Variants in ADGRB3 observed in about 807,000 individuals in gnomAD.
The protein encoded by ADGRB3 is adhesion G protein-coupled receptor B3.
ADGRB3 carries 37 observed loss-of-function variants against 193.4 expected under a neutral mutation model. That is an observed-to-expected ratio of 0.19 (90% CI 0.15 to 0.25). The LOEUF (loss-of-function observed/expected upper bound fraction) is 0.25, where lower values mean the gene tolerates loss of function less well. ADGRB3 is among the 10% of genes least tolerant of loss of function. The pLI, the probability that ADGRB3 is intolerant of heterozygous loss-of-function variation, is 1.00. For missense variants in ADGRB3, 1,637 were observed against 1,852.9 expected (o/e 0.88, Z 2.14); for synonymous variants, 690 against 644.2 (o/e 1.07, Z -1.08).
chr6:68,672,295 T>C (rs1768982826), intron 3 of ADGRB3, among the ~76,000 whole-genome samples: 1 of 151,970 alleles, frequency 6.6e-6, no homozygotes, highest in South Asian at 2.1e-4. Context: ...TCTTTTCTTC[T>C]ACTAATTTTT....
At chr6:69,109,380 A>C (rs77087195) in intron 17 of ADGRB3, among the ~76,000 whole-genome samples, 2 of 152,112 alleles carry the variant, frequency 1.3e-5, no homozygotes, top group African/African-American at 4.8e-5. Flanking sequence ...TACCCTCCCT[A>C]TCTCTCCCAG....
intron 16 of ADGRB3, 80 bp from the exon 17 acceptor site, chr6:69,075,915 T>A: frequency 9.7e-7 from 1 of 1,029,418 alleles, no homozygotes; most frequent in South Asian, 1.4e-5. Context: ...TCTTCCATTC[T>A]GTTTCTATTT....
chr6:68,678,452 T>C (rs1365379606), intron 3 of ADGRB3, among the ~76,000 whole-genome samples: 3 of 152,198 alleles, frequency 2.0e-5, no homozygotes, highest in Admixed American at 1.3e-4. Context: ...GAAAGTATGA[T>C]GCAGAGACCT....
At chr6:68,752,480 C>T (rs1649928515) in intron 3 of ADGRB3, among the ~76,000 whole-genome samples, 1 of 151,812 alleles carries the variant, frequency 6.6e-6, no homozygotes, top group Non-Finnish European at 1.5e-5. Flanking sequence ...ACCATGTTGC[C>T]CAGACTGGTC....
chr6:69,295,227 A>G (rs1464093532), intron 20 of ADGRB3, among the ~76,000 whole-genome samples: 1 of 152,206 alleles, frequency 6.6e-6, no homozygotes, highest in Admixed American at 6.6e-5. Context: ...AGAGAAACAA[A>G]CAATGGAGCT....
chr6:68,917,429 A>G (rs941613008), intron 3 of ADGRB3, among the ~76,000 whole-genome samples: 2 of 152,142 alleles, frequency 1.3e-5, no homozygotes, highest in African/African-American at 2.4e-5. Flanking sequence ...TAGTTGATTT[A>G]TTTGTAATCT....
Position 68,996,694 on chromosome 6 carries a change from A to T in ADGRB3, c.1929+2732A>T, listed in dbSNP as rs139901445. 1.3e-4 allele frequency among the ~76,000 whole-genome samples: 20 copies of T among 152,264 alleles called. No individual in the cohort carries two copies. The East Asian group carries it at 3.5e-3, about 26-fold the overall frequency. ...TCTGCTGTTGAAGTTCTCAGGTCTT[A>T]TGGGCCTGTGAACTCCAAGAGCATT... On this transcript the variant is annotated intron_variant, in intron 11 of 31. Coordinates refer to ENST00000370598, the MANE Select transcript of ADGRB3 (RefSeq NM_001704.3).
At chr6:69,325,995 G>T (rs77405762) in intron 21 of ADGRB3, among the ~76,000 whole-genome samples, 5,343 of 152,198 alleles carry the variant, frequency 0.035, 307 homozygotes, top group African/African-American at 0.12. Context: ...CCTGAGCGTG[G>T]GTGGACTACC....
intron 17 of ADGRB3, among the ~76,000 whole-genome samples, chr6:69,096,080 T>C (rs1433253017): frequency 6.6e-6 from 1 of 152,222 alleles, no homozygotes; most frequent in Non-Finnish European, 1.5e-5. Context: ...ATTTTTTTAG[T>C]GCAGATTTCC....
chr6:69,258,726 G>A (rs1219760223), intron 20 of ADGRB3, among the ~76,000 whole-genome samples: 2 of 152,236 alleles, frequency 1.3e-5, no homozygotes, highest in Non-Finnish European at 2.9e-5. Context: ...TACCAAGACA[G>A]TAGTGGTTCC....
intron 3 of ADGRB3, among the ~76,000 whole-genome samples, chr6:68,912,785 G>A (rs1020784234): frequency 2.6e-4 from 39 of 152,232 alleles, no homozygotes; most frequent in African/African-American, 9.4e-4. Context: ...AACACAAGGG[G>A]TCAGGGAGTT....
intron 3 of ADGRB3, among the ~76,000 whole-genome samples, chr6:68,867,634 A>T (rs1765333259): frequency 6.6e-6 from 1 of 152,180 alleles, no homozygotes; most frequent in African/African-American, 2.4e-5. Flanking sequence ...AAAGCCACAG[A>T]CACTCAACAC....
At chr6:69,214,348 A>G (rs1430726676) in intron 17 of ADGRB3, among the ~76,000 whole-genome samples, 2 of 152,082 alleles carry the variant, frequency 1.3e-5, no homozygotes, top group East Asian at 1.9e-4. Context: ...GCCCTTGAGT[A>G]TTGTAGTCAG....
chr6:68,883,200 G>A (rs1419643748), intron 3 of ADGRB3, among the ~76,000 whole-genome samples: 1 of 152,144 alleles, frequency 6.6e-6, no homozygotes, highest in East Asian at 1.9e-4. Flanking sequence ...TGTCTAATCT[G>A]GTGAGGACTT....
chr6:68,862,134 C>G (rs1158549279), intron 3 of ADGRB3, among the ~76,000 whole-genome samples: 1 of 6,236 alleles, frequency 1.6e-4, no homozygotes. Flanking sequence ...AGGAGGGACC[C>G]CCCCCCCCAC....
chr6:69,083,453 A>T (rs1034882713), intron 17 of ADGRB3, among the ~76,000 whole-genome samples: 3 of 152,162 alleles, frequency 2.0e-5, no homozygotes, highest in African/African-American at 7.2e-5. Flanking sequence ...TGTCTGGCAC[A>T]TATATCAGTG....
At chr6:69,372,531 T>C (rs1554205482) in intron 30 of ADGRB3, 90 bp downstream of exon 30, 2 of 576,816 alleles carry the variant, frequency 3.5e-6, no homozygotes, top group Non-Finnish European at 2.8e-6. Context: ...TATGCAGCCA[T>C]GTAAGGGTAT....
intron 17 of ADGRB3, among the ~76,000 whole-genome samples, chr6:69,153,292 C>T (rs1774732281): frequency 6.6e-6 from 1 of 152,160 alleles, no homozygotes; most frequent in South Asian, 2.1e-4. Context: ...CTTCTTCCTG[C>T]TTCTAAACAC....
rs115071334 is a variant in ADGRB3, at chr6:69,365,957, G to T, written c.4239+4445G>T. Among the ~76,000 whole-genome samples, 225 of 152,156 alleles carry T rather than the reference G, an allele frequency of 1.5e-3. 1 individual carries two copies. The highest frequency in any genetic ancestry group is 0.01 in the Middle Eastern group (3 of 294). On this transcript the variant is annotated intron_variant, in intron 29 of 31. Transcript: ENST00000370598. ...ATTATGTTATTATTATGTCATTACT[G>T]TAATGCCCTGAATTTCTGCAAAGAA...
Sources: gnomAD v4.1 joint callset for allele counts (sites outside exome capture counted in the v4.1 genomes callset) on GRCh38, gnomAD v4.1.1 for gene constraint, MANE v1.5 for transcripts, NCBI Gene and HGNC (gene_info 2026-07-23, HGNC 2026-07-21) for gene names.